The following NEGR1 variants were observed in gnomAD, a reference collection of about 807,000 sequenced individuals.
NEGR1 encodes IgLON family member 4.
NEGR1 carries 10 observed loss-of-function variants against 40.9 expected under a neutral mutation model. That is an observed-to-expected ratio of 0.24 (90% CI 0.15 to 0.42). The LOEUF is 0.42. Among genes scored for constraint, NEGR1 ranks in the 10% least tolerant of loss-of-function variants. The pLI, the probability that NEGR1 is intolerant of heterozygous loss-of-function variation, is 1.00. For missense variants in NEGR1, 352 were observed against 438.9 expected, an observed-to-expected ratio of 0.80 and a Z score of 1.77; for synonymous variants, 185 against 166.8, an observed-to-expected ratio of 1.11 and a Z score of -0.84.
chr1:71,946,647 C>G (rs188982956), intron 1 of NEGR1, among the ~76,000 whole-genome samples: 3 of 152,032 alleles, frequency 2.0e-5, no homozygotes, highest in Admixed American at 1.3e-4. Context: ...TTCTTTAAAG[C>G]CTTTTATTGA....
intron 5 of NEGR1, among the ~76,000 whole-genome samples, chr1:71,601,626 C>T (rs1038960526): frequency 1.3e-5 from 2 of 152,110 alleles, no homozygotes; most frequent in African/African-American, 4.8e-5. Context: ...ACTATGCAGC[C>T]ATATAAAAGA....
chr1:71,508,299 G>T (rs1331581506), intron 6 of NEGR1, among the ~76,000 whole-genome samples: 1 of 152,130 alleles, frequency 6.6e-6, no homozygotes, highest in Non-Finnish European at 1.5e-5. Flanking sequence ...CCCCATACTT[G>T]AGTCAAGGGA....
Position 71,404,255 on chromosome 1 carries a change from T to C in NEGR1, c.*3191A>G, listed in dbSNP as rs1646263789. The C allele has an allele frequency of 6.6e-6, 1 of 152,144 alleles. No individual in the cohort carries two copies. The highest frequency in any genetic ancestry group is 1.9e-4 in the East Asian group (1 of 5,172). The allele number at this position is 152,144 out of a possible 1,614,324, so 9.4% of individuals were successfully genotyped here. The stretch of plus-strand genomic sequence containing the variant: ...CTTAAATGTTATGATGAAGCATTAA[T>C]TTTTCAGTTAAGTTATAAACCCCCC... On this transcript the variant is annotated 3_prime_UTR_variant, in exon 7 of 7. Coordinates refer to ENST00000357731, the MANE Select transcript of NEGR1 (RefSeq NM_173808.3).
chr1:72,052,200 C>G (rs1363331219), intron 1 of NEGR1, among the ~76,000 whole-genome samples: 1 of 151,360 alleles, frequency 6.6e-6, no homozygotes, highest in Non-Finnish European at 1.5e-5. Context: ...ATAGAAAGTG[C>G]TTCGTCAGGG....
intron 1 of NEGR1, among the ~76,000 whole-genome samples, chr1:72,017,152 G>GTT (rs1355870467): frequency 2.7e-5 from 4 of 146,116 alleles, no homozygotes; most frequent in African/African-American, 9.8e-5. Context: ...GTGTGTGTGT[G>GTT]TGTGTAAACC....
intron 6 of NEGR1, among the ~76,000 whole-genome samples, chr1:71,568,320 T>C (rs1005441432): frequency 2.0e-5 from 3 of 152,104 alleles, no homozygotes; most frequent in Non-Finnish European, 4.4e-5. Flanking sequence ...TAGTGAAGAA[T>C]CATTTCTGGT....
chr1:72,167,835 G>A (rs558774392), intron 1 of NEGR1, among the ~76,000 whole-genome samples: 42 of 151,702 alleles, frequency 2.8e-4, no homozygotes, highest in Admixed American at 1.1e-3. Flanking sequence ...TGGATCAATC[G>A]CTTTCTTCAA....
intron 2 of NEGR1, among the ~76,000 whole-genome samples, chr1:71,828,694 A>G (rs908735161): frequency 2.0e-5 from 3 of 151,958 alleles, no homozygotes; most frequent in South Asian, 2.1e-4. Context: ...TATTGCCATC[A>G]GAGACCAAAT....
chr1:71,529,866 T>C (rs1647300722), intron 6 of NEGR1, among the ~76,000 whole-genome samples: 1 of 151,232 alleles, frequency 6.6e-6, no homozygotes, highest in Non-Finnish European at 1.5e-5. Flanking sequence ...TATTATGTAC[T>C]ATATTTCATA....
intron 1 of NEGR1, among the ~76,000 whole-genome samples, chr1:72,160,692 G>C (rs1180095920): frequency 1.3e-5 from 2 of 152,068 alleles, no homozygotes; most frequent in Admixed American, 1.3e-4. Flanking sequence ...TTTCTGGAAA[G>C]ATCATCAGTA....
At chr1:72,072,337 A>G (rs1289344021) in intron 1 of NEGR1, among the ~76,000 whole-genome samples, 1 of 152,140 alleles carries the variant, frequency 6.6e-6, no homozygotes, top group African/African-American at 2.4e-5. Flanking sequence ...TGAATTTCTA[A>G]TACCTAGTAT....
chr1:72,014,517 T>C (rs977213104), intron 1 of NEGR1, among the ~76,000 whole-genome samples: 2 of 152,052 alleles, frequency 1.3e-5, no homozygotes, highest in African/African-American at 2.4e-5. Flanking sequence ...CACTTTACAA[T>C]TCAGGTTTTT....
chr1:71,758,828 T>C (rs1655834051), intron 3 of NEGR1, among the ~76,000 whole-genome samples: 1 of 152,156 alleles, frequency 6.6e-6, no homozygotes, highest in African/African-American at 2.4e-5. Context: ...TATATTTCAA[T>C]AAGGATCCAA....
At chr1:72,153,195 A>G (rs1004201730) in intron 1 of NEGR1, among the ~76,000 whole-genome samples, 1 of 152,076 alleles carries the variant, frequency 6.6e-6, no homozygotes, top group African/African-American at 2.4e-5. Context: ...GCAAAGCTGC[A>G]AAGAAATAAT....
At chr1:72,009,256 G>A (rs999230672) in intron 1 of NEGR1, among the ~76,000 whole-genome samples, 6 of 152,016 alleles carry the variant, frequency 3.9e-5, no homozygotes, top group South Asian at 2.1e-4. Flanking sequence ...GAGCTCAAAC[G>A]TGTGGTTCCT....
chr1:71,461,172 T>G (rs1037582678), intron 6 of NEGR1, among the ~76,000 whole-genome samples: 18 of 152,268 alleles, frequency 1.2e-4, no homozygotes, highest in Middle Eastern at 3.4e-3. Flanking sequence ...ATAAACATGA[T>G]TGTCTTGTTA....
At chr1:71,754,047 AAGAG>A (rs1655653290) in intron 3 of NEGR1, among the ~76,000 whole-genome samples, 1 of 152,162 alleles carries the variant, frequency 6.6e-6, no homozygotes, top group African/African-American at 2.4e-5. Context: ...GAACAGAACT[AAGAG>A]AGAGACAGAG....
intron 2 of NEGR1, among the ~76,000 whole-genome samples, chr1:71,885,427 T>C (rs1260024247): frequency 6.6e-6 from 1 of 152,230 alleles, no homozygotes; most frequent in Admixed American, 6.5e-5. Context: ...GCAGGACATC[T>C]ACTTGTTTAG....
chr1:71,601,299 T>C (rs1165616473), intron 5 of NEGR1, among the ~76,000 whole-genome samples: 1 of 152,096 alleles, frequency 6.6e-6, no homozygotes, highest in East Asian at 1.9e-4. Flanking sequence ...ATGGCTATTA[T>C]TAAAAAGTCA....
Sources: gnomAD v4.1 joint callset for allele counts (sites outside exome capture counted in the v4.1 genomes callset) on GRCh38, gnomAD v4.1.1 for gene constraint, MANE v1.5 for transcripts, NCBI Gene and HGNC (gene_info 2026-07-23, HGNC 2026-07-21) for gene names.